Variants in KCNMB2 observed in about 807,000 individuals in gnomAD.
KCNMB2 encodes potassium calcium-activated channel subfamily M regulatory beta subunit 2, also known as calcium-activated potassium channel subunit beta-2.
A neutral mutation model predicts 24.5 loss-of-function variants in KCNMB2; 9 were observed. The ratio of observed to expected loss-of-function variants is 0.37; its 90% CI spans 0.22 to 0.64. The LOEUF (loss-of-function observed/expected upper bound fraction) is 0.64, where lower values mean the gene tolerates loss of function less well. Ranked by LOEUF, KCNMB2 falls within the 30% of genes least tolerant of loss-of-function variation. The probability of loss-of-function intolerance (pLI) is 0.63; values close to 1 mark genes in which losing one functional copy is unlikely to be tolerated. For missense variants in KCNMB2, 226 were observed against 284.3 expected (o/e 0.79, Z 1.47); for synonymous variants, 109 against 104.4 (o/e 1.04, Z -0.27).
At position 178,806,887 on chromosome 3, in the gene KCNMB2, T is replaced by A. The variant is rs376604758; in HGVS notation, c.-67-456T>A. Reference sequence around the variant, plus strand: ...AGTGGGGCACAGTTAAAGATGACGTTTCATCACCAACATGTCACACTTGTC... The same window carrying A: ...AGTGGGGCACAGTTAAAGATGACGTATCATCACCAACATGTCACACTTGTC... On this transcript the variant is annotated intron_variant, in intron 1 of 4. Transcript: ENST00000452583. Among the ~76,000 whole-genome samples, 51 of 152,178 alleles carry A rather than the reference T, an allele frequency of 3.4e-4. 1 individual carries two copies. The South Asian group carries it at 0.01, about 31-fold the overall frequency.
At chr3:178,767,807 T>C (rs1212405910) in intron 1 of KCNMB2, among the ~76,000 whole-genome samples, 1 of 152,190 alleles carries the variant, frequency 6.6e-6, no homozygotes. Flanking sequence ...AAGGCCAACC[T>C]GACATCTACA....
At chr3:178,590,434 T>C (rs907398372) in intron 1 of KCNMB2, among the ~76,000 whole-genome samples, 5 of 152,230 alleles carry the variant, frequency 3.3e-5, no homozygotes, top group Admixed American at 6.5e-5. Context: ...ACTTTTTGTT[T>C]TGTATTTATG....
At chr3:178,607,651 G>C (rs1368537767) in intron 1 of KCNMB2, among the ~76,000 whole-genome samples, 1 of 148,280 alleles carries the variant, frequency 6.7e-6, no homozygotes, top group Admixed American at 6.6e-5. Context: ...GTGTGTGTGT[G>C]TATGTGTGCA....
At chr3:178,712,414 G>C (rs1171306261) in intron 1 of KCNMB2, among the ~76,000 whole-genome samples, 3 of 152,156 alleles carry the variant, frequency 2.0e-5, no homozygotes, top group African/African-American at 7.2e-5. Flanking sequence ...ACGTTGACTC[G>C]ACAAATATTT....
chr3:178,613,666 GT>G (rs1186927919), intron 1 of KCNMB2, among the ~76,000 whole-genome samples: 1 of 152,116 alleles, frequency 6.6e-6, no homozygotes, highest in African/African-American at 2.4e-5. Context: ...GCACTGTAAA[GT>G]TTCCATGGAA....
intron 4 of KCNMB2, among the ~76,000 whole-genome samples, chr3:178,829,558 T>A (rs1287101665): frequency 6.6e-6 from 1 of 152,176 alleles, no homozygotes; most frequent in Non-Finnish European, 1.5e-5. Flanking sequence ...ATAATACCAG[T>A]CCCAGCGCTG....
chr3:178,757,122 T>C (rs960083598), intron 1 of KCNMB2: 2 of 150,132 alleles, frequency 1.3e-5, no homozygotes, highest in Non-Finnish European at 3.0e-5. Context: ...TCTTTCTCCT[T>C]AAGTTTATTT....
At chr3:178,805,975 GAAGCTA>G (rs1713952213) in intron 1 of KCNMB2, among the ~76,000 whole-genome samples, 1 of 152,006 alleles carries the variant, frequency 6.6e-6, no homozygotes, top group Non-Finnish European at 1.5e-5. Context: ...TTACAGAGCT[GAAGCTA>G]AGCCAGGCAC....
rs75533148 is a variant in KCNMB2 at position 178,630,617 on chromosome 3, A to T, written c.-68+93906A>T. On this transcript the variant is annotated intron_variant, in intron 1 of 4. Transcript: ENST00000452583. The stretch of plus-strand genomic sequence containing the variant: ...TTTATAAGTATACTGTGGGCACCAC[A>T]GTCCAGCTTCTAGTTTATAGTAAAT... Among the ~76,000 whole-genome samples the T allele has an allele frequency of 7.2e-3, 1,095 of 152,370 alleles. 13 individuals are homozygous for T. The highest frequency in any genetic ancestry group is 0.026 in the African/African-American group (1,061 of 41,588).
At chr3:178,567,604 T>A (rs186542884) in intron 1 of KCNMB2, among the ~76,000 whole-genome samples, 7 of 151,542 alleles carry the variant, frequency 4.6e-5, no homozygotes, top group Non-Finnish European at 8.8e-5. Flanking sequence ...CAGCTAGCAT[T>A]CTAACAATAA....
intron 1 of KCNMB2, among the ~76,000 whole-genome samples, chr3:178,576,273 A>C (rs545183427): frequency 6.6e-6 from 1 of 152,096 alleles, no homozygotes; most frequent in South Asian, 2.1e-4. Flanking sequence ...AGCCAAGGGA[A>C]GCTGTGAGGG....
chr3:178,633,695 G>A (rs1430286579), intron 1 of KCNMB2, among the ~76,000 whole-genome samples: 6 of 152,232 alleles, frequency 3.9e-5, no homozygotes, highest in Non-Finnish European at 8.8e-5. Context: ...ATGCCCTGGA[G>A]ACATTTTCCC....
chr3:178,712,270 G>A (rs547048352), intron 1 of KCNMB2, among the ~76,000 whole-genome samples: 49 of 152,258 alleles, frequency 3.2e-4, no homozygotes, highest in Admixed American at 1.7e-3. Flanking sequence ...TATAATGGGA[G>A]GAACTTGGAA....
chr3:178,798,987 A>AT (rs1208195960), intron 1 of KCNMB2, among the ~76,000 whole-genome samples: 7 of 151,762 alleles, frequency 4.6e-5, no homozygotes, highest in African/African-American at 1.7e-4. Context: ...TGATGATAAA[A>AT]AAAAAAAACT....
chr3:178,606,026 A>G (rs1718258903), intron 1 of KCNMB2, among the ~76,000 whole-genome samples: 1 of 152,190 alleles, frequency 6.6e-6, no homozygotes, highest in African/African-American at 2.4e-5. Context: ...GTGGGCATAA[A>G]CTGTAGATTT....
At chr3:178,556,828 A>G (rs1716142026) in intron 1 of KCNMB2, among the ~76,000 whole-genome samples, 3 of 152,092 alleles carry the variant, frequency 2.0e-5, no homozygotes, top group Non-Finnish European at 1.5e-5. Context: ...TCAGGCCCTA[A>G]AGAGAGCCTG....
At chr3:178,538,603 T>C (rs1301515510) in intron 1 of KCNMB2, among the ~76,000 whole-genome samples, 1 of 152,240 alleles carries the variant, frequency 6.6e-6, no homozygotes, top group Non-Finnish European at 1.5e-5. Context: ...TTGAAAGTTG[T>C]CAACAGGAGA....
chr3:178,559,524 T>C (rs987746973), intron 1 of KCNMB2, among the ~76,000 whole-genome samples: 1 of 151,768 alleles, frequency 6.6e-6, no homozygotes, highest in African/African-American at 2.4e-5. Flanking sequence ...AAAAAAAGTA[T>C]CTTCATTGTT....
chr3:178,794,947 T>C (rs1295659707), intron 1 of KCNMB2, among the ~76,000 whole-genome samples: 1 of 152,146 alleles, frequency 6.6e-6, no homozygotes, highest in Non-Finnish European at 1.5e-5. Context: ...GATGCTGGAA[T>C]CCACAGTGCC....
Sources: allele counts gnomAD v4.1 joint callset (sites outside exome capture counted in the v4.1 genomes callset), GRCh38; gene constraint gnomAD v4.1.1; transcripts MANE v1.5; gene names NCBI Gene and HGNC (gene_info 2026-07-23, HGNC 2026-07-21).